The following MINDY4 variants were observed in gnomAD, a reference collection of about 807,000 sequenced individuals.
The protein encoded by MINDY4 is probable ubiquitin carboxyl-terminal hydrolase MINDY-4.
MINDY4 carries 68 observed loss-of-function variants against 87.0 expected under a neutral mutation model. The observed-to-expected ratio is 0.78, with a 90% CI of 0.64 to 0.96. MINDY4 has a LOEUF of 0.96. Among genes scored for constraint, MINDY4 ranks in the 40% least tolerant of loss-of-function variants. MINDY4 has a pLI of 0.00. For missense variants in MINDY4, 919 were observed against 928.2 expected, an observed-to-expected ratio of 0.99 and a Z score of 0.13; for synonymous variants, 379 against 363.2, an observed-to-expected ratio of 1.04 and a Z score of -0.50.
At chr7:30,857,963 T>C (rs910267970) in intron 12 of MINDY4, 2 of 152,612 alleles carry the variant, frequency 1.3e-5, no homozygotes, top group Middle Eastern at 3.1e-3. Context: ...CTGAGCTTCC[T>C]GGCAGCCAAG....
chr7:30,777,822 A>G (rs996550332), intron 1 of MINDY4, among the ~76,000 whole-genome samples: 5 of 152,222 alleles, frequency 3.3e-5, no homozygotes, highest in Non-Finnish European at 5.9e-5. Flanking sequence ...GCACTTGCGA[A>G]CAGGACCCTC....
At chr7:30,771,603 G>A (rs1786636668) in intron 1 of MINDY4, 47 bp downstream of exon 1, 1 of 1,546,466 alleles carries the variant, frequency 6.5e-7, no homozygotes, top group South Asian at 1.2e-5. Flanking sequence ...TCTAATTTGG[G>A]GGGATCATCG....
intron 5 of MINDY4, among the ~76,000 whole-genome samples, chr7:30,795,169 C>T (rs1787449745): frequency 6.6e-6 from 1 of 152,112 alleles, no homozygotes; most frequent in Admixed American, 6.5e-5. Context: ...CTGCAGATGG[C>T]CACATGGACA....
intron 15 of MINDY4, among the ~76,000 whole-genome samples, chr7:30,876,536 G>A (rs1399010894): frequency 1.3e-5 from 2 of 152,124 alleles, no homozygotes; most frequent in Non-Finnish European, 2.9e-5. Context: ...GAAAGGGCTG[G>A]GCCCCCAGGT....
At chr7:30,811,060 AC>A (rs1408264001) in intron 5 of MINDY4, among the ~76,000 whole-genome samples, 3 of 152,026 alleles carry the variant, frequency 2.0e-5, no homozygotes, top group Non-Finnish European at 4.4e-5. Flanking sequence ...CCTAAAGATC[AC>A]TTCTTATCGA....
At chr7:30,881,514 T>G (rs1790462840) in intron 15 of MINDY4, among the ~76,000 whole-genome samples, 1 of 152,184 alleles carries the variant, frequency 6.6e-6, no homozygotes, top group South Asian at 2.1e-4. Context: ...CCTAGTTGTC[T>G]TTACCGTGCA....
At chr7:30,859,550 AC>A (rs1024208922) in intron 13 of MINDY4, among the ~76,000 whole-genome samples, 21 of 152,310 alleles carry the variant, frequency 1.4e-4, no homozygotes, top group South Asian at 8.3e-4. Context: ...GTGGTGGACA[AC>A]CTGAAAGACA....
At chr7:30,775,054 G>A (rs10243307) in intron 1 of MINDY4, among the ~76,000 whole-genome samples, 44,215 of 151,864 alleles carry the variant, frequency 0.29, 7,222 homozygotes, top group East Asian at 0.52. Flanking sequence ...TAGTGTTTCT[G>A]CTCACACTTC....
intron 5 of MINDY4, among the ~76,000 whole-genome samples, chr7:30,796,089 C>T (rs1179956760): frequency 6.6e-6 from 1 of 151,444 alleles, no homozygotes; most frequent in Non-Finnish European, 1.5e-5. Flanking sequence ...TTATGCCTGC[C>T]ACAGAGGGCA....
rs571786756 is a variant in MINDY4, at chr7:30,871,162, G to T, written c.1746-1081G>T. 3.6e-3 allele frequency among the ~76,000 whole-genome samples: 550 copies of T among 152,234 alleles called. 3 individuals carry two copies. Among genetic ancestry groups the T allele is most frequent in the Non-Finnish European group, 4.0e-3 (270 of 67,958 alleles). ...TCCCCCCAGGGTCATGTGCAGAAGT[G>T]GGGGGGACAGACCTGGGACCCAGGC... On this transcript the variant is annotated intron_variant, in intron 13 of 17. Coordinates refer to ENST00000265299, the MANE Select transcript of MINDY4 (RefSeq NM_032222.3).
At chr7:30,873,989 G>C (rs1790186513) in intron 14 of MINDY4, among the ~76,000 whole-genome samples, 1 of 152,222 alleles carries the variant, frequency 6.6e-6, no homozygotes, top group Non-Finnish European at 1.5e-5. Context: ...TACTGTCACT[G>C]GGGCAGGGGT....
intron 13 of MINDY4, among the ~76,000 whole-genome samples, chr7:30,867,441 A>T (rs1789974186): frequency 6.6e-6 from 1 of 152,220 alleles, no homozygotes; most frequent in Non-Finnish European, 1.5e-5. Flanking sequence ...AATGCTTTAT[A>T]TAGTTCATCT....
chr7:30,875,608 C>T lies in MINDY4; in HGVS notation c.1923C>T (p.Arg641=). 6.2e-7 allele frequency: 1 copy of T among 1,614,084 alleles called. No homozygotes were observed. Among genetic ancestry groups the T allele is most frequent in the Non-Finnish European group, 8.5e-7 (1 of 1,179,986 alleles). The part of the protein sequence containing the change: ...NITLLRGIAA[R]SDIGFLSLFE... ...CACTTCTCAGAGGCATTGCTGCACG[C>T]AGTGATATTGGCTTCTTATCTCTCT... Residue 641 remains arginine (R), a synonymous_variant, in exon 15 of 18, where the codon CGC becomes CGT. Coordinates refer to ENST00000265299, the MANE Select transcript of MINDY4 (RefSeq NM_032222.3).
chr7:30,876,278 TTG>T lies in MINDY4; in HGVS notation c.1971+626_1971+627del, dbSNP rs1383530636. On this transcript the variant is annotated intron_variant, in intron 15 of 17. Coordinates refer to ENST00000265299, the MANE Select transcript of MINDY4 (RefSeq NM_032222.3). ...ATCATCACAGGGCCACCTTCTCCCT[TTG>T]TGTCTTTTCTTATACAGACCTCAGT... 2.0e-5 allele frequency among the ~76,000 whole-genome samples: 3 copies of T among 152,062 alleles called. No homozygotes were observed. In the East Asian group the frequency reaches 5.8e-4, roughly 29 times the overall value.
At chr7:30,841,065 G>A (rs185711059) in intron 9 of MINDY4, among the ~76,000 whole-genome samples, 46 of 152,300 alleles carry the variant, frequency 3.0e-4, no homozygotes, top group African/African-American at 1.0e-3. Flanking sequence ...AGGGTTCTCA[G>A]TGGTGCTCCA....
At chr7:30,829,082 A>G (rs958657626) in intron 6 of MINDY4, among the ~76,000 whole-genome samples, 8 of 152,124 alleles carry the variant, frequency 5.3e-5, no homozygotes, top group Non-Finnish European at 1.2e-4. Context: ...TCAAAGTATC[A>G]GTATAGCTCT....
At chr7:30,839,577 G>T (rs936324214) in intron 8 of MINDY4, among the ~76,000 whole-genome samples, 1 of 152,202 alleles carries the variant, frequency 6.6e-6, no homozygotes, top group East Asian at 1.9e-4. Flanking sequence ...AGTGGTGCAG[G>T]TGCTGGGATC....
chr7:30,874,032 G>A (rs752585337), intron 14 of MINDY4, among the ~76,000 whole-genome samples: 3 of 152,194 alleles, frequency 2.0e-5, no homozygotes, highest in Non-Finnish European at 4.4e-5. Flanking sequence ...ATTAACCCCC[G>A]ATGTCATTTT....
chr7:30,880,628 G>A (rs1405583190), intron 15 of MINDY4, among the ~76,000 whole-genome samples: 3 of 152,128 alleles, frequency 2.0e-5, no homozygotes, highest in African/African-American at 7.2e-5. Flanking sequence ...TCCTGGCGAT[G>A]CCCTCACCAG....
Sources: allele counts gnomAD v4.1 joint callset (sites outside exome capture counted in the v4.1 genomes callset), GRCh38; gene constraint gnomAD v4.1.1; transcripts MANE v1.5; gene names NCBI Gene and HGNC (gene_info 2026-07-23, HGNC 2026-07-21).